PRIMA1: variants seen among roughly 807,000 people sequenced by gnomAD.
PRIMA1 encodes the protein proline-rich membrane anchor 1.
In PRIMA1, 7 loss-of-function variants were observed where a neutral mutation model predicts 17.5. The observed-to-expected ratio is 0.40, with a 90% confidence interval of 0.23 to 0.75. The LOEUF (loss-of-function observed/expected upper bound fraction) is 0.75, where lower values mean the gene tolerates loss of function less well. Ranked by LOEUF, PRIMA1 falls within the 30% of genes least tolerant of loss-of-function variation. The pLI is 0.37. For synonymous variants in PRIMA1, 97 were observed against 77.9 expected, an observed-to-expected ratio of 1.25 and a Z score of -1.29; for missense variants, 200 against 201.8, an observed-to-expected ratio of 0.99 and a Z score of 0.05.
rs145919960 is a variant in PRIMA1, at chr14:93,782,754, G to A, written c.94-3443C>T. Reference sequence around the variant, plus strand: ...TGTCTGGTCCGTCCTTATGCCTGACGGCTGAGCCCCCACTGCAGTGTCCTG... The same window carrying A: ...TGTCTGGTCCGTCCTTATGCCTGACAGCTGAGCCCCCACTGCAGTGTCCTG... On this transcript the variant is annotated intron_variant, in intron 2 of 4. Coordinates refer to ENST00000393140, the MANE Select transcript of PRIMA1 (RefSeq NM_178013.4). Among the ~76,000 whole-genome samples, 259 of 152,290 alleles carry A rather than the reference G, an allele frequency of 1.7e-3. 1 individual carries two copies. The highest frequency in any genetic ancestry group is 6.1e-3 in the African/African-American group (252 of 41,552).
intron 3 of PRIMA1, among the ~76,000 whole-genome samples, chr14:93,761,459 G>A (rs1595213746): frequency 1.3e-5 from 2 of 152,254 alleles, no homozygotes; most frequent in African/African-American, 2.4e-5. Flanking sequence ...ACTGTCCCTC[G>A]TGGTCACTGT....
At chr14:93,782,279 A>ATACATACATACATACATAC (rs1225135581) in intron 2 of PRIMA1, among the ~76,000 whole-genome samples, 1 of 150,742 alleles carries the variant, frequency 6.6e-6, no homozygotes, top group African/African-American at 2.5e-5. Context: ...AAAATAAATA[A>ATACATACATACATACATAC]ATAAATAAAT....
intron 3 of PRIMA1, among the ~76,000 whole-genome samples, chr14:93,757,202 G>T (rs1566971750): frequency 9.3e-6 from 1 of 107,144 alleles, no homozygotes. Flanking sequence ...TTTAAAAAAA[G>T]GAAGGAAGGA....
intron 2 of PRIMA1, among the ~76,000 whole-genome samples, chr14:93,784,663 C>A (rs1388665049): frequency 6.6e-6 from 1 of 152,182 alleles, no homozygotes; most frequent in African/African-American, 2.4e-5. Context: ...TGGCCTTGGG[C>A]TGTTCTGTCT....
chr14:93,759,794 G>A (rs1360880675), intron 3 of PRIMA1, among the ~76,000 whole-genome samples: 1 of 152,212 alleles, frequency 6.6e-6, no homozygotes, highest in East Asian at 1.9e-4. Context: ...AGAGCAAGCA[G>A]TGGGGAGGGG....
intron 3 of PRIMA1, among the ~76,000 whole-genome samples, chr14:93,744,282 T>G (rs2141166368): frequency 6.6e-6 from 1 of 152,254 alleles, no homozygotes; most frequent in African/African-American, 2.4e-5. Context: ...AGGAGTGGTG[T>G]GGGGGTGGGG....
At position 93,718,637 on chromosome 14, in the gene PRIMA1, AT is replaced by A. The variant is rs2076018610; in HGVS notation, c.*2806del. ...CAGAGAGTACAGTAGTTGTATTTAT[AT>A]ATATATATATATGTAGAGATCTCTT... On this transcript the variant is annotated 3_prime_UTR_variant, in exon 5 of 5. Coordinates refer to ENST00000393140, the MANE Select transcript of PRIMA1 (RefSeq NM_178013.4). 6.7e-6 allele frequency: 1 copy of A among 150,322 alleles called. No homozygotes were observed. Among genetic ancestry groups the A allele is most frequent in the South Asian group, 2.1e-4 (1 of 4,766 alleles). The allele number at this position is 150,322 out of a possible 1,614,324, so 9.3% of individuals were successfully genotyped here.
chr14:93,737,829 C>T (rs957018906), intron 3 of PRIMA1, among the ~76,000 whole-genome samples: 1 of 152,318 alleles, frequency 6.6e-6, no homozygotes. Flanking sequence ...ACGCCCCAGG[C>T]CATCCATCCT....
intron 4 of PRIMA1, among the ~76,000 whole-genome samples, chr14:93,722,907 C>A (rs1234931166): frequency 6.6e-6 from 1 of 151,918 alleles, no homozygotes. Flanking sequence ...TTAAACTGAG[C>A]CATTTGAAGC....
chr14:93,787,820 C>T, intron 1 of PRIMA1, 71 bp from the exon 2 acceptor site: 2 of 1,473,304 alleles, frequency 1.4e-6, no homozygotes, highest in South Asian at 1.4e-5. Context: ...ACCAATATAC[C>T]TCCCAGCCCG....
intron 4 of PRIMA1, among the ~76,000 whole-genome samples, chr14:93,735,470 A>T (rs538034045): frequency 1.3e-5 from 2 of 152,100 alleles, no homozygotes; most frequent in African/African-American, 4.8e-5. Flanking sequence ...CAAATGCTTT[A>T]TGGTCCAGAT....
chr14:93,772,166 A>G (rs8012838), intron 3 of PRIMA1, among the ~76,000 whole-genome samples: 56,260 of 152,176 alleles, frequency 0.37, 10,609 homozygotes, highest in Middle Eastern at 0.53. Context: ...GAACTTCCAC[A>G]GTCCCATTTG....
intron 3 of PRIMA1, among the ~76,000 whole-genome samples, chr14:93,770,678 T>TA (rs1885033423): frequency 6.6e-6 from 1 of 152,194 alleles, no homozygotes; most frequent in Non-Finnish European, 1.5e-5. Context: ...TTTCCTGTGA[T>TA]AGTTTTGGTT....
chr14:93,743,311 C>CTCCTAACT (rs1324588438), intron 3 of PRIMA1, among the ~76,000 whole-genome samples: 2 of 152,216 alleles, frequency 1.3e-5, no homozygotes, highest in African/African-American at 4.8e-5. Flanking sequence ...TTAGATGGCT[C>CTCCTAACT]TCCTAACTTT....
intron 3 of PRIMA1, among the ~76,000 whole-genome samples, chr14:93,744,895 G>A (rs996566541): frequency 3.9e-5 from 6 of 152,268 alleles, no homozygotes; most frequent in Admixed American, 3.9e-4. Context: ...AGCTCCTGGG[G>A]GTGCCTCAGT....
At chr14:93,759,388 CCT>C (rs896191866) in intron 3 of PRIMA1, among the ~76,000 whole-genome samples, 9 of 152,052 alleles carry the variant, frequency 5.9e-5, no homozygotes, top group Non-Finnish European at 1.2e-4. Flanking sequence ...TGTTTCTACC[CCT>C]GACTGAAAAC....
At chr14:93,752,407 T>C (rs1161246887) in intron 3 of PRIMA1, among the ~76,000 whole-genome samples, 1 of 152,124 alleles carries the variant, frequency 6.6e-6, no homozygotes, top group African/African-American at 2.4e-5. Flanking sequence ...TGCCAGGTCA[T>C]ATTCCAACCC....
chr14:93,778,413 A>G (rs1280408425), intron 3 of PRIMA1, among the ~76,000 whole-genome samples: 2 of 152,266 alleles, frequency 1.3e-5, no homozygotes. Flanking sequence ...AGCCTACCAG[A>G]GAACAAGCTT....
chr14:93,760,132 G>C (rs1025566988), intron 3 of PRIMA1, among the ~76,000 whole-genome samples: 1 of 152,240 alleles, frequency 6.6e-6, no homozygotes, highest in Non-Finnish European at 1.5e-5. Context: ...CTGCCAGGGG[G>C]AACAAAACAA....
Sources: gnomAD v4.1 joint callset for allele counts (sites outside exome capture counted in the v4.1 genomes callset) on GRCh38, gnomAD v4.1.1 for gene constraint, MANE v1.5 for transcripts, NCBI Gene and HGNC (gene_info 2026-07-23, HGNC 2026-07-21) for gene names.